ZFAT: variants seen among roughly 807,000 people sequenced by gnomAD.
The protein encoded by ZFAT is zinc finger and AT-hook domain containing.
Under a neutral mutation model 117.7 loss-of-function variants are expected in ZFAT, and 64 were observed. That is an observed-to-expected ratio of 0.54 (90% CI 0.44 to 0.67). The LOEUF (loss-of-function observed/expected upper bound fraction) is 0.67. Ranked by LOEUF, ZFAT falls within the 30% of genes least tolerant of loss-of-function variation. The pLI is 0.00. For synonymous variants in ZFAT, 679 were observed against 615.0 expected (o/e 1.10, Z -1.54); for missense variants, 1,433 against 1,584.5 (o/e 0.90, Z 1.62).
chr8:134,498,030 T>C, intron 15 of ZFAT, among the ~76,000 whole-genome samples: 1 of 132,414 alleles, frequency 7.6e-6, no homozygotes. Flanking sequence ...AGGGTTGGGG[T>C]GGAGCCGTGA....
At chr8:134,713,133 G>C (rs1253593572), upstream of ZFAT, 14 of 369,484 alleles carry the variant, frequency 3.8e-5, no homozygotes, top group Non-Finnish European at 6.8e-5. Context: ...GCAGGGCCGA[G>C]CTAACGCGCA....
At position 134,485,855 on chromosome 8, in the gene ZFAT, A is replaced by G. The variant is rs572319311; in HGVS notation, c.3493-7134T>C. Among the ~76,000 whole-genome samples, 23 of 152,360 alleles carry G rather than the reference A, an allele frequency of 1.5e-4. No homozygotes were observed. The East Asian group carries it at 3.7e-3, about 24-fold the overall frequency. ...TACTAGCTGGGTATTTAAAGTAACAATTGTTTAAACTGCTGCTGGAATACG... is the reference window on the plus strand; with the variant it reads ...TACTAGCTGGGTATTTAAAGTAACAGTTGTTTAAACTGCTGCTGGAATACG... On this transcript the variant is annotated intron_variant, in intron 15 of 15. Transcript: ENST00000377838.
chr8:134,608,975 C>A, intron 4 of ZFAT, 96 bp from the exon 5 acceptor site: 1 of 1,407,816 alleles, frequency 7.1e-7, no homozygotes, highest in Non-Finnish European at 9.4e-7. Flanking sequence ...AAGTCTATTT[C>A]TATACTGTCT....
At chr8:134,583,593 T>C (rs1806837659) in intron 10 of ZFAT, among the ~76,000 whole-genome samples, 1 of 151,870 alleles carries the variant, frequency 6.6e-6, no homozygotes, top group South Asian at 2.1e-4. Flanking sequence ...CCTCCCTGCA[T>C]ACCTCCACCA....
At chr8:134,663,934 G>A (rs1832067954) in intron 1 of ZFAT, among the ~76,000 whole-genome samples, 1 of 152,198 alleles carries the variant, frequency 6.6e-6, no homozygotes, top group Non-Finnish European at 1.5e-5. Flanking sequence ...CATGATAGGT[G>A]TTCAACTAAT....
chr8:134,817,379 CTG>C, the ZFAT span, among the ~76,000 whole-genome samples: 6 of 115,148 alleles, frequency 5.2e-5, no homozygotes, highest in South Asian at 2.7e-4. Flanking sequence ...ATCAATCTCT[CTG>C]TCTCTCTCTC....
At chr8:134,714,106 TGC>T (rs765145723), upstream of ZFAT, among the ~76,000 whole-genome samples, 1 of 77,810 alleles carries the variant, frequency 1.3e-5, no homozygotes, top group African/African-American at 5.8e-5. Context: ...TGCAAAGACA[TGC>T]CCCCCCCCCC....
At chr8:134,759,247 C>A in the ZFAT span, among the ~76,000 whole-genome samples, 1 of 152,140 alleles carries the variant, frequency 6.6e-6, no homozygotes, top group Non-Finnish European at 1.5e-5. Context: ...GGAGGTAAGT[C>A]GAATTTTCAT....
chr8:134,522,703 C>T (rs1040250714), intron 12 of ZFAT, among the ~76,000 whole-genome samples: 29 of 152,202 alleles, frequency 1.9e-4, no homozygotes, highest in African/African-American at 4.8e-4. Flanking sequence ...CTTGCTCTGA[C>T]CCTGGGATGC....
chr8:134,664,148 A>G (rs144822443), intron 1 of ZFAT, among the ~76,000 whole-genome samples: 19 of 150,630 alleles, frequency 1.3e-4, no homozygotes, highest in Non-Finnish European at 2.5e-4. Context: ...CTCCACCCCT[A>G]TGAACACTCC....
chr8:134,541,361 G>A (rs1055216482), intron 11 of ZFAT, among the ~76,000 whole-genome samples: 4 of 152,088 alleles, frequency 2.6e-5, no homozygotes, highest in Non-Finnish European at 4.4e-5. Flanking sequence ...ACACGAACAC[G>A]CTCAGCCCCC....
chr8:134,658,465 A>G (rs1389065854), intron 1 of ZFAT, among the ~76,000 whole-genome samples: 1 of 152,196 alleles, frequency 6.6e-6, no homozygotes, highest in Non-Finnish European at 1.5e-5. Context: ...GTTGACCACA[A>G]TAGCATTTCT....
the ZFAT span, among the ~76,000 whole-genome samples, chr8:134,832,249 C>T: frequency 6.6e-6 from 1 of 151,774 alleles, no homozygotes; most frequent in South Asian, 2.1e-4. Context: ...CGGCTCCCTC[C>T]GGTCTCTCTG....
chr8:134,733,643 T>C, the ZFAT span, among the ~76,000 whole-genome samples: 1 of 152,354 alleles, frequency 6.6e-6, no homozygotes, highest in East Asian at 1.9e-4. Context: ...GGACGATGAC[T>C]AGCTAAAGGT....
At chr8:134,804,578 T>C in the ZFAT span, among the ~76,000 whole-genome samples, 3 of 152,160 alleles carry the variant, frequency 2.0e-5, no homozygotes, top group Admixed American at 1.3e-4. Flanking sequence ...TCCAGCCTAC[T>C]TGGAAAGGTT....
chr8:134,734,300 C>G, the ZFAT span, among the ~76,000 whole-genome samples: 4 of 152,188 alleles, frequency 2.6e-5, no homozygotes, highest in Non-Finnish European at 5.9e-5. Flanking sequence ...CCTGTCGCTT[C>G]GGGCTGCTCC....
chr8:134,507,678 C>G (rs745587006), intron 15 of ZFAT, among the ~76,000 whole-genome samples: 3 of 152,198 alleles, frequency 2.0e-5, no homozygotes, highest in East Asian at 1.9e-4. Context: ...TAAGCTATAA[C>G]CCAACCCCTG....
At chr8:134,769,766 C>T in the ZFAT span, among the ~76,000 whole-genome samples, 1 of 152,254 alleles carries the variant, frequency 6.6e-6, no homozygotes, top group African/African-American at 2.4e-5. Context: ...CATCAAACTT[C>T]TGCCTAGGCA....
intron 2 of ZFAT, among the ~76,000 whole-genome samples, chr8:134,649,054 G>GA (rs970272003): frequency 1.6e-4 from 24 of 151,564 alleles, no homozygotes; most frequent in African/African-American, 4.8e-4. Context: ...AACAAACTCA[G>GA]AAAAAACATC....
Sources: allele counts gnomAD v4.1 joint callset (sites outside exome capture counted in the v4.1 genomes callset), GRCh38; gene constraint gnomAD v4.1.1; transcripts MANE v1.5; gene names NCBI Gene and HGNC (gene_info 2026-07-23, HGNC 2026-07-21).